Variants in PIH1D1 observed in about 807,000 individuals in gnomAD.
PIH1D1 encodes the protein PIH1 domain containing 1.
Under a neutral mutation model 38.5 loss-of-function variants are expected in PIH1D1, and 28 were observed. The observed-to-expected ratio is 0.73, with a 90% CI of 0.54 to 1.00. PIH1D1 has a LOEUF of 1.00. Among genes scored for constraint, PIH1D1 ranks in the 50% least tolerant of loss-of-function variants. The pLI, the probability that PIH1D1 is intolerant of heterozygous loss-of-function variation, is 0.00. For synonymous variants in PIH1D1, 155 were observed against 153.5 expected (o/e 1.01, Z -0.07); for missense variants, 343 against 369.9 (o/e 0.93, Z 0.60).
chr19:49,451,548 C>T lies in PIH1D1; in HGVS notation c.27G>A (p.Met9Ile), dbSNP rs779649005. ...CGATCGCCTCCGCCTCGCTTAGCCC[C>T]ATTCCCAGCAGCTTCGGGTTCGCCA... is the stretch of plus-strand genomic sequence containing the variant. The part of the protein sequence containing the change: MANPKLLG[M>I]GLSEAEAIGA... Residue 9 changes from methionine to isoleucine, a missense_variant, in exon 1 of 9, where the codon ATG (methionine) becomes ATA (isoleucine). Met to Ile is a conservative substitution (Grantham distance 10, BLOSUM62 1). Transcript: ENST00000262265. 6.8e-6 allele frequency: 11 copies of T among 1,613,580 alleles called. No homozygotes were observed. In the Admixed American group the frequency reaches 1.7e-4, roughly 24 times the overall value.
At chr19:49,448,098 C>A (rs751266733) in intron 3 of PIH1D1, 36 bp from the exon 4 acceptor site, 68 of 1,606,984 alleles carry the variant, frequency 4.2e-5, no homozygotes, top group Non-Finnish European at 5.4e-5. Context: ...ACCCCCCAGC[C>A]CTCTGCAGGA....
Position 49,451,766 on chromosome 19 carries a change from AT to A in PIH1D1, c.-193del. 1 of 1,407,606 alleles carries A rather than the reference AT, an allele frequency of 7.1e-7. No homozygotes were observed. Among genetic ancestry groups the A allele is most frequent in the Non-Finnish European group, 9.3e-7 (1 of 1,079,890 alleles). The allele number at this position is 1,407,606 out of a possible 1,614,324, so 87.2% of individuals were successfully genotyped here. A position where few individuals can be genotyped will look rare whatever the true frequency, so the allele number is the denominator to read the frequency against. ...CACCATCGTCAAATCCGTGGGGAAT[AT>A]GTGTCTCTAGACGCACTACCCTCCG... On this transcript the variant is annotated 5_prime_UTR_variant, in exon 1 of 9. Transcript: ENST00000262265.
intron 1 of PIH1D1, 169 bp downstream of exon 1, chr19:49,451,316 A>C (rs750588724): frequency 3.5e-5 from 33 of 938,112 alleles, no homozygotes; most frequent in Non-Finnish European, 5.0e-5. Context: ...GGTGTGAGCC[A>C]CCGCGCCCGG....
At chr19:49,448,088 A>G (rs987099104) in intron 3 of PIH1D1, 26 bp from the exon 4 acceptor site, 1 of 1,612,346 alleles carries the variant, frequency 6.2e-7, no homozygotes, top group Non-Finnish European at 8.5e-7. Context: ...GGGGGTGAGG[A>G]CCCCCCAGCC....
intron 5 of PIH1D1, 120 bp from the exon 6 acceptor site, chr19:49,447,587 G>T: frequency 3.2e-6 from 4 of 1,256,610 alleles, no homozygotes; most frequent in Non-Finnish European, 4.4e-6. Context: ...ACCACACCCC[G>T]CAGGCTTGGC....
intron 8 of PIH1D1, 40 bp downstream of exon 8, chr19:49,446,511 C>G (rs957625081): frequency 1.9e-6 from 3 of 1,608,422 alleles, no homozygotes; most frequent in Non-Finnish European, 2.6e-6. Flanking sequence ...GTCCAGGCCC[C>G]GCCAATGTCC....
rs1004664773 is a variant in PIH1D1, at chr19:49,450,774, T to C, written c.157+8A>G. 14 of 1,592,048 alleles carry C rather than the reference T, an allele frequency of 8.8e-6. No homozygotes were observed. The highest frequency in any genetic ancestry group is 1.2e-5 in the Non-Finnish European group (14 of 1,166,914). ...TCCTGTCCCTCTCTCTCCGGTGTCC[T>C]TTCTCACCAGGCTGAGGCTGGATTT... is the stretch of plus-strand genomic sequence containing the variant. On this transcript the variant is annotated splice_region_variant and intron_variant, in intron 2 of 8. Coordinates refer to ENST00000262265, the MANE Select transcript of PIH1D1 (RefSeq NM_017916.3).
intron 5 of PIH1D1, 55 bp from the exon 6 acceptor site, chr19:49,447,522 G>A: frequency 6.3e-7 from 1 of 1,591,216 alleles, no homozygotes; most frequent in Non-Finnish European, 8.5e-7. Context: ...CCTTTGTGGG[G>A]GCCAAGAGCC....
chr19:49,450,696 C>CCCGG, intron 2 of PIH1D1, 86 bp downstream of exon 2: 3 of 616,498 alleles, frequency 4.9e-6, no homozygotes, highest in South Asian at 7.9e-5. Context: ...CCACCCTAGG[C>CCCGG]CTTTATTTTC....
At chr19:49,447,616 C>G in intron 5 of PIH1D1, 149 bp from the exon 6 acceptor site, 2 of 995,466 alleles carry the variant, frequency 2.0e-6, no homozygotes, top group Non-Finnish European at 3.0e-6. Flanking sequence ...GCCCGCCCAC[C>G]TTAGTCACGC....
At chr19:49,449,934 A>G (rs10401936) in intron 2 of PIH1D1, among the ~76,000 whole-genome samples, 105,246 of 150,758 alleles carry the variant, frequency 0.7, 37,317 homozygotes, top group Middle Eastern at 0.82. Flanking sequence ...AGCTGGGATT[A>G]TAGGCGCCCA....
At position 49,450,358 on chromosome 19, in the gene PIH1D1, G is replaced by A. The variant is rs540528541; in HGVS notation, c.157+424C>T. ...TCCTTCCACCTCGGCCTCCCAAAGT[G>A]ATGGAATTACAGATGTGAGCCACTG... On this transcript the variant is annotated intron_variant, in intron 2 of 8. Transcript: ENST00000262265. Among the ~76,000 whole-genome samples, 45 of 152,212 alleles carry A rather than the reference G, an allele frequency of 3.0e-4. 1 individual carries two copies. In the South Asian group the frequency reaches 8.7e-3, roughly 29 times the overall value.
In PIH1D1 at chr19:49,447,903, G is replaced by A. The variant is rs138390291; in HGVS notation, c.405C>T (p.Ser135=). 3 of 1,614,100 alleles carry A rather than the reference G, an allele frequency of 1.9e-6. No individual in the cohort carries two copies. Among genetic ancestry groups the A allele is most frequent in the East Asian group, 4.5e-5 (2 of 44,868 alleles). The change falls in exon 5 of 9, where the codon AGC becomes AGT. Residue 135 remains serine (S), a synonymous_variant. Coordinates refer to ENST00000262265, the MANE Select transcript of PIH1D1 (RefSeq NM_017916.3). Reference sequence around the variant, plus strand: ...TGATCACGAGCTCCCGCAAGAAATCGCTGTTCTGGGGTGACAGAGAGGGAA... The same window carrying A: ...TGATCACGAGCTCCCGCAAGAAATCACTGTTCTGGGGTGACAGAGAGGGAA... ...NSDFYRRMQN[S]DFLRELVITI... is the part of the protein sequence containing the mutation.
intron 7 of PIH1D1, 164 bp from the exon 8 acceptor site, chr19:49,446,858 C>A: frequency 9.4e-7 from 1 of 1,063,894 alleles, no homozygotes; most frequent in African/African-American, 1.6e-5. Context: ...CACTTACAAT[C>A]CCTTGGGCGC....
At chr19:49,450,559 C>T (rs532833072) in intron 2 of PIH1D1, among the ~76,000 whole-genome samples, 1 of 152,298 alleles carries the variant, frequency 6.6e-6, no homozygotes, top group East Asian at 1.9e-4. Context: ...GCTGGGACTA[C>T]AGGCACGTGC....
chr19:49,449,829 C>G (rs531018042), intron 2 of PIH1D1, among the ~76,000 whole-genome samples, 175 bp from the exon 3 acceptor site: 1 of 149,454 alleles, frequency 6.7e-6, no homozygotes, highest in East Asian at 2.0e-4. Context: ...GACTCTCACT[C>G]TGTCACCCAG....
rs61746782 is a variant in PIH1D1, at chr19:49,446,639, C to G, written c.743G>C (p.Gly248Ala). 2.4e-4 allele frequency: 380 copies of G among 1,602,940 alleles called. 2 individuals carry two copies. In the African/African-American group the frequency reaches 4.0e-3, roughly 17 times the overall value. ...EIGENRLVMGGPQQLYHLDAY... is the reference protein window; with the variant it reads ...EIGENRLVMGAPQQLYHLDAY... The stretch of plus-strand genomic sequence containing the variant: ...GTCTAGATGATACAGCTGCTGGGGG[C>G]CCCCCATCACCAGGCGGTTCTCCCC... The change falls in exon 8 of 9, where the codon GGC becomes GCC. Residue 248 changes from glycine to alanine, a missense_variant. By Grantham distance (60) the Gly-to-Ala change is moderately conservative. Transcript: ENST00000262265.
chr19:49,451,650 C>T lies in PIH1D1; in HGVS notation c.-76G>A. ...TTTGCCCAGGATCCGAACCCCAGTGCCTGCTCTGGCCCTCAATCGACTCCG... is the reference window on the plus strand; with the variant it reads ...TTTGCCCAGGATCCGAACCCCAGTGTCTGCTCTGGCCCTCAATCGACTCCG... On this transcript the variant is annotated 5_prime_UTR_variant, in exon 1 of 9. Transcript: ENST00000262265. 6.3e-7 allele frequency: 1 copy of T among 1,576,944 alleles called. No individual in the cohort carries two copies. Among genetic ancestry groups the T allele is most frequent in the South Asian group, 1.1e-5 (1 of 88,356 alleles).
Position 49,447,986 on chromosome 19 carries a change from A to G in PIH1D1, c.399+15T>C, listed in dbSNP as rs760813140. The G allele has an allele frequency of 8.1e-6, 13 of 1,613,132 alleles. No individual in the cohort carries two copies. The Admixed American group carries it at 2.0e-4, about 25-fold the overall frequency. ...AGACCCCTGCCCAGGCCTCAACCGC[A>G]GCCCCGCCCCCAACCTGCATCCTCC... is the stretch of plus-strand genomic sequence containing the variant. On this transcript the variant is annotated intron_variant, in intron 4 of 8. Coordinates refer to ENST00000262265, the MANE Select transcript of PIH1D1 (RefSeq NM_017916.3).
Sources: gnomAD v4.1 joint callset for allele counts (sites outside exome capture counted in the v4.1 genomes callset) on GRCh38, gnomAD v4.1.1 for gene constraint, MANE v1.5 for transcripts, NCBI Gene and HGNC (gene_info 2026-07-23, HGNC 2026-07-21) for gene names.